Variants in ARHGEF1 observed in about 807,000 individuals in gnomAD.
The protein encoded by ARHGEF1 is 115 kDa guanine nucleotide exchange factor.
A neutral mutation model predicts 119.7 loss-of-function variants in ARHGEF1; 40 were observed. The observed-to-expected ratio is 0.33, with a 90% CI of 0.26 to 0.44. The LOEUF is 0.44. Among genes scored for constraint, ARHGEF1 ranks in the 20% least tolerant of loss-of-function variants. ARHGEF1 has a pLI of 1.00. For missense variants in ARHGEF1, 976 were observed against 1,268.3 expected, an observed-to-expected ratio of 0.77 and a Z score of 3.50; for synonymous variants, 494 against 521.0, an observed-to-expected ratio of 0.95 and a Z score of 0.71.
Position 41,916,551 on chromosome 19 carries a change from T to C in ARHGEF1, c.1866-6541T>C, listed in dbSNP as rs1186588881. On this transcript the variant is annotated intron_variant, in intron 18 of 20. Transcript: ENST00000599589. The surrounding 1 kb of genome is among the most constrained non-coding windows in gnomAD (Gnocchi z 5.4). ...AAAATCACAAATCCTAGACACACTG[T>C]GTAAACACATAATCACACACTGAGG... 6.6e-6 allele frequency among the ~76,000 whole-genome samples: 1 copy of C among 151,936 alleles called. No individual in the cohort carries two copies. Among genetic ancestry groups the C allele is most frequent in the African/African-American group, 2.4e-5 (1 of 41,372 alleles).
rs559894469 is a variant in ARHGEF1, at chr19:41,902,254, C to A, written c.1415-20C>A. On this transcript the variant is annotated intron_variant, in intron 15 of 28. Coordinates refer to ENST00000354532, the MANE Select transcript of ARHGEF1 (RefSeq NM_004706.4). This position sits in a 1 kb window ranked among gnomAD's most constrained non-coding sequence, Gnocchi z 6.5. ...TCTTCCAGACCCTGGTGGAGCATCCCTTTCCTCCTGCCCCCACAGCCCTGT... is the reference window on the plus strand; with the variant it reads ...TCTTCCAGACCCTGGTGGAGCATCCATTTCCTCCTGCCCCCACAGCCCTGT... 1 of 1,613,798 alleles carries A rather than the reference C, an allele frequency of 6.2e-7. No individual in the cohort carries two copies. Among genetic ancestry groups the A allele is most frequent in the Non-Finnish European group, 8.5e-7 (1 of 1,179,782 alleles).
chr19:41,902,971 A>G lies in ARHGEF1; in HGVS notation c.1738+73A>G. The G allele has an allele frequency of 8.0e-7, 1 of 1,251,920 alleles. No homozygotes were observed. Among genetic ancestry groups the G allele is most frequent in the Non-Finnish European group, 1.1e-6 (1 of 915,418 alleles). The allele number at this position is 1,251,920 out of a possible 1,614,324, so 77.6% of individuals were successfully genotyped here. A position where few individuals can be genotyped will look rare whatever the true frequency, so the allele number is the denominator to read the frequency against. ...TACATTTTTTTTCTCACTCATTTTC[A>G]TCAGTGATACCATCACAGCTCACTG... On this transcript the variant is annotated intron_variant, in intron 18 of 28. Transcript: ENST00000354532. The surrounding 1 kb of genome is among the most constrained non-coding windows in gnomAD (Gnocchi z 6.5).
At position 41,894,298 on chromosome 19, in the gene ARHGEF1, C is replaced by T; in HGVS notation, c.736C>T (p.Arg246Trp). ...GDKKSGRNFFRKKVMGNRRSD... is the reference protein window; with the variant it reads ...GDKKSGRNFFWKKVMGNRRSD... ...CAAGAAGTCGGGGAGGAACTTCTTCCGGAAAAAGGTGCTTCCCTCAGTGCC... is the reference window on the plus strand; with the variant it reads ...CAAGAAGTCGGGGAGGAACTTCTTCTGGAAAAAGGTGCTTCCCTCAGTGCC... The change falls in exon 9 of 29, where the codon CGG becomes TGG. Residue 246 changes from arginine (R) to tryptophan (W), a missense_variant. Around this residue, in one of 3 missense-constraint regions of ARHGEF1, gnomAD observed 519 missense variants for 580.9 expected, o/e 0.89. Transcript: ENST00000354532. The T allele has an allele frequency of 1.3e-6, 2 of 1,555,770 alleles. No homozygotes were observed. The highest frequency in any genetic ancestry group is 1.7e-6 in the Non-Finnish European group (2 of 1,146,378).
chr19:41,891,446 A>G (rs8109784), intron 4 of ARHGEF1, among the ~76,000 whole-genome samples: 33,762 of 151,796 alleles, frequency 0.22, 10,698 homozygotes, highest in African/African-American at 0.7. Flanking sequence ...ACCACACCCG[A>G]CTAATTTTTT....
At chr19:41,911,331 G>A (rs1373420931), downstream of ARHGEF1, among the ~76,000 whole-genome samples, 1 of 152,186 alleles carries the variant, frequency 6.6e-6, no homozygotes, top group Non-Finnish European at 1.5e-5. Context: ...AGAGACCCCA[G>A]ACCCAGGCAT....
rs922176346 is a variant in ARHGEF1, at chr19:41,905,918, C to T, written c.2405-21C>T. 14 of 1,613,866 alleles carry T rather than the reference C, an allele frequency of 8.7e-6. No homozygotes were observed. Among genetic ancestry groups the T allele is most frequent in the Non-Finnish European group, 1.1e-5 (13 of 1,179,760 alleles). On this transcript the variant is annotated intron_variant, in intron 25 of 28. Transcript: ENST00000354532. This position sits in a 1 kb window ranked among gnomAD's most constrained non-coding sequence, Gnocchi z 6.4. ...AGGAGGCCCGGCAGGATCTGAGCTCCCTCTCTGTTCCCCAATCCAGCCCGG... is the reference window on the plus strand; with the variant it reads ...AGGAGGCCCGGCAGGATCTGAGCTCTCTCTCTGTTCCCCAATCCAGCCCGG...
rs542213589 is a variant in ARHGEF1, at chr19:41,925,977, T to C, written c.140+2744T>C. Among the ~76,000 whole-genome samples, 10 of 151,866 alleles carry C rather than the reference T, an allele frequency of 6.6e-5. No individual in the cohort carries two copies. The East Asian group carries it at 1.9e-3, about 30-fold the overall frequency. On this transcript the variant is annotated intron_variant, in intron 1 of 2. Transcript: ENST00000594417. The stretch of plus-strand genomic sequence containing the variant: ...GAGTGCTTGTGTGCAACAGAAGGAA[T>C]GTGTGTGTGAGTGTGTGCATGTGTG...
rs1432243880 is a variant in ARHGEF1 at position 41,906,110 on chromosome 19, A to G, written c.2491+85A>G. On this transcript the variant is annotated intron_variant, in intron 26 of 28. Coordinates refer to ENST00000354532, the MANE Select transcript of ARHGEF1 (RefSeq NM_004706.4). This position sits in a 1 kb window ranked among gnomAD's most constrained non-coding sequence, Gnocchi z 4.5. The stretch of plus-strand genomic sequence containing the variant: ...TAGAACAAGGCTCTCCACGTCAAAA[A>G]TTTCCTTACGCCCAGCTGCCAGAAA... The G allele has an allele frequency of 1.1e-5, 15 of 1,343,726 alleles. No individual in the cohort carries two copies. The East Asian group carries it at 3.5e-4, about 32-fold the overall frequency. 83.2% of individuals were successfully genotyped at this position (1,343,726 alleles called of 1,614,324 possible). A position where few individuals can be genotyped will look rare whatever the true frequency, so the allele number is the denominator to read the frequency against.
downstream of ARHGEF1, chr19:41,909,184 AGG>A: frequency 8.1e-7 from 1 of 1,231,706 alleles, no homozygotes; most frequent in East Asian, 3.2e-5. The surrounding 1 kb of genome is among the most constrained non-coding windows in gnomAD (Gnocchi z 5.2). Flanking sequence ...GGGTCTAGAG[AGG>A]GAGTGGGAGA....
At position 41,895,443 on chromosome 19, in the gene ARHGEF1, C is replaced by T; in HGVS notation, c.972C>T (p.Val324=). Residue 324 remains valine, a synonymous_variant, in exon 12 of 29, where the codon GTC becomes GTT. Transcript: ENST00000354532. ...CTCCTGGGCAGGACACCCCTGGAGT[C>T]TCTCTGCACCCTCTGTCCCTGGACA... ...IGAPGQDTPG[V]SLHPLSLDSP... The T allele has an allele frequency of 8.7e-6, 14 of 1,612,282 alleles. No individual in the cohort carries two copies. Among genetic ancestry groups the T allele is most frequent in the Non-Finnish European group, 1.1e-5 (13 of 1,179,518 alleles).
intron 8 of ARHGEF1, 130 bp from the exon 9 acceptor site, chr19:41,894,077 T>C: frequency 1.8e-6 from 1 of 547,030 alleles, no homozygotes; most frequent in East Asian, 3.3e-5. Context: ...AGTTGTGGGG[T>C]CAGGATGGGA....
At chr19:41,884,553 C>G in intron 1 of ARHGEF1, 2 of 1,591,594 alleles carry the variant, frequency 1.3e-6, no homozygotes, top group East Asian at 2.2e-5. Flanking sequence ...TCCCCGGCAT[C>G]CCTGGCCGTG....
At chr19:41,928,066 G>T (rs2074882646) in intron 1 of ARHGEF1, 2 of 152,250 alleles carry the variant, frequency 1.3e-5, no homozygotes, top group African/African-American at 4.8e-5. Flanking sequence ...ATCCGCTCCG[G>T]TCCGGGGAGA....
chr19:41,906,687 A>ACC lies in ARHGEF1; in HGVS notation c.2656-12_2656-11dup. 1 of 1,601,094 alleles carries ACC rather than the reference A, an allele frequency of 6.2e-7. No individual in the cohort carries two copies. On this transcript the variant is annotated splice_polypyrimidine_tract_variant and intron_variant, in intron 27 of 28. Transcript: ENST00000354532. The surrounding 1 kb of genome is among the most constrained non-coding windows in gnomAD (Gnocchi z 4.5). Reference sequence around the variant, plus strand: ...AAGGAAGGGGCCCCCCTCATCCATGACCCCCACCCCACCAGGAGTTGGAGG... The same window carrying ACC: ...AAGGAAGGGGCCCCCCTCATCCATGACCCCCCCACCCCACCAGGAGTTGGAGG...
downstream of ARHGEF1, chr19:41,908,585 C>T (rs541109321): frequency 8.9e-6 from 11 of 1,231,580 alleles, no homozygotes; most frequent in Non-Finnish European, 1.1e-5. This position sits in a 1 kb window ranked among gnomAD's most constrained non-coding sequence, Gnocchi z 6.7. Context: ...GGAAGGGGCC[C>T]GTGAGGTACG....
intron 8 of ARHGEF1, 88 bp from the exon 9 acceptor site, chr19:41,894,119 A>G (rs1247138622): frequency 8.9e-5 from 71 of 801,876 alleles, no homozygotes; most frequent in Non-Finnish European, 9.9e-5. Flanking sequence ...GGGGAGAGAG[A>G]GAGAGTGTGT....
downstream of ARHGEF1, chr19:41,909,090 G>A (rs1161742223): frequency 8.1e-6 from 10 of 1,231,642 alleles, no homozygotes; most frequent in Non-Finnish European, 9.1e-6. This position sits in a 1 kb window ranked among gnomAD's most constrained non-coding sequence, Gnocchi z 5.2. Flanking sequence ...GGGCTGTCCA[G>A]ACGCAATTTA....
In ARHGEF1 at chr19:41,892,988, T is replaced by C; in HGVS notation, c.614+139T>C. ...TTTCTTGGCACTGGGGGTCTTCCTC[T>C]ACCCTGGTGTTTTAACTCACCTTGA... On this transcript the variant is annotated intron_variant, in intron 7 of 28. Coordinates refer to ENST00000354532, the MANE Select transcript of ARHGEF1 (RefSeq NM_004706.4). This position sits in a 1 kb window ranked among gnomAD's most constrained non-coding sequence, Gnocchi z 6.3. The C allele has an allele frequency of 7.8e-7, 1 of 1,286,140 alleles. No homozygotes were observed. Among genetic ancestry groups the C allele is most frequent in the East Asian group, 2.6e-5 (1 of 38,766 alleles). 79.7% of individuals were successfully genotyped at this position (1,286,140 alleles called of 1,614,324 possible).
rs2074718299 is a variant in ARHGEF1 at position 41,907,308 on chromosome 19, C to T, written c.*221C>T. Reference sequence around the variant, plus strand: ...CCCTCTGCTTGGGGGACTCAGGGCTCCATTCTGGAGGGCACCACGGTGACC... The same window carrying T: ...CCCTCTGCTTGGGGGACTCAGGGCTTCATTCTGGAGGGCACCACGGTGACC... On this transcript the variant is annotated 3_prime_UTR_variant, in exon 29 of 29. Coordinates refer to ENST00000354532, the MANE Select transcript of ARHGEF1 (RefSeq NM_004706.4). 1 of 1,533,494 alleles carries T rather than the reference C, an allele frequency of 6.5e-7. No homozygotes were observed. Among genetic ancestry groups the T allele is most frequent in the Non-Finnish European group, 8.7e-7 (1 of 1,145,786 alleles). 95.0% of individuals were successfully genotyped at this position (1,533,494 alleles called of 1,614,324 possible).
Sources: allele counts gnomAD v4.1 joint callset (sites outside exome capture counted in the v4.1 genomes callset), GRCh38; gene constraint gnomAD v4.1.1; regional missense constraint gnomAD v4.1.1; non-coding constraint Gnocchi (gnomAD v3.1); transcripts MANE v1.5; gene names NCBI Gene and HGNC (gene_info 2026-07-23, HGNC 2026-07-21).